ELOVL6: variants seen among roughly 807,000 people sequenced by gnomAD.
The protein encoded by ELOVL6 is ELOVL fatty acid elongase 6.
In ELOVL6, 8 loss-of-function variants were observed where a neutral mutation model predicts 31.7. The ratio of observed to expected loss-of-function variants is 0.25; its 90% CI spans 0.15 to 0.45. The LOEUF (loss-of-function observed/expected upper bound fraction) is 0.45. Among genes scored for constraint, ELOVL6 ranks in the 20% least tolerant of loss-of-function variants. The pLI, the probability that ELOVL6 is intolerant of heterozygous loss-of-function variation, is 1.00. For missense variants in ELOVL6, 126 were observed against 326.4 expected, an observed-to-expected ratio of 0.39 and a Z score of 4.73; for synonymous variants, 101 against 117.7, an observed-to-expected ratio of 0.86 and a Z score of 0.92.
At chr4:110,152,972 GT>G (rs1758320103) in intron 1 of ELOVL6, among the ~76,000 whole-genome samples, 1 of 152,122 alleles carries the variant, frequency 6.6e-6, no homozygotes, top group African/African-American at 2.4e-5. Context: ...TGACCCCTCC[GT>G]GAGTATAAAC....
chr4:110,146,030 T>A (rs1429476000), intron 1 of ELOVL6, among the ~76,000 whole-genome samples: 1 of 152,020 alleles, frequency 6.6e-6, no homozygotes, highest in Non-Finnish European at 1.5e-5. Flanking sequence ...CAAAAAAGAA[T>A]CCAAATAGCT....
At chr4:110,072,039 G>A (rs974106487) in intron 2 of ELOVL6, among the ~76,000 whole-genome samples, 4 of 152,176 alleles carry the variant, frequency 2.6e-5, no homozygotes, top group South Asian at 4.1e-4. Context: ...ATCCACCAGC[G>A]TGAGATCAGT....
At chr4:110,107,595 G>C (rs1214884521) in intron 1 of ELOVL6, among the ~76,000 whole-genome samples, 2 of 152,138 alleles carry the variant, frequency 1.3e-5, no homozygotes, top group African/African-American at 4.8e-5. Flanking sequence ...CAGGAAGAAA[G>C]TACTTTTGGC....
intron 3 of ELOVL6, among the ~76,000 whole-genome samples, chr4:110,054,132 G>A (rs1754911105): frequency 1.3e-5 from 2 of 152,050 alleles, no homozygotes; most frequent in South Asian, 4.2e-4. Context: ...AAATAAATAG[G>A]AAAGTTGTCA....
At chr4:110,056,694 A>T (rs148673695) in intron 3 of ELOVL6, among the ~76,000 whole-genome samples, 489 of 152,280 alleles carry the variant, frequency 3.2e-3, no homozygotes, top group Non-Finnish European at 5.5e-3. Flanking sequence ...AACTGCATCG[A>T]TTATTGGATA....
intron 1 of ELOVL6, among the ~76,000 whole-genome samples, chr4:110,196,462 G>A (rs923000842): frequency 2.7e-4 from 41 of 152,194 alleles, no homozygotes; most frequent in African/African-American, 9.6e-4. Flanking sequence ...CTAAGCGGGA[G>A]GAGGAAGTGC....
At chr4:110,098,950 A>G (rs544414259) in intron 2 of ELOVL6, among the ~76,000 whole-genome samples, 2 of 152,232 alleles carry the variant, frequency 1.3e-5, no homozygotes, top group African/African-American at 4.8e-5. Context: ...CAACCATAGG[A>G]AAAAAACTAA....
At chr4:110,179,720 T>A (rs988824368) in intron 1 of ELOVL6, among the ~76,000 whole-genome samples, 1 of 152,308 alleles carries the variant, frequency 6.6e-6, no homozygotes, top group South Asian at 2.1e-4. Flanking sequence ...AGATATTGCA[T>A]ATAAACAAGA....
At chr4:110,135,790 G>T (rs1485881345) in intron 1 of ELOVL6, among the ~76,000 whole-genome samples, 1 of 152,192 alleles carries the variant, frequency 6.6e-6, no homozygotes, top group Non-Finnish European at 1.5e-5. Flanking sequence ...ACAACTTGGT[G>T]TTCAGAGAAG....
Position 110,131,143 on chromosome 4 carries a change from G to A in ELOVL6, c.90-25515C>T, listed in dbSNP as rs370033899. Among the ~76,000 whole-genome samples the A allele has an allele frequency of 1.1e-4, 17 of 152,284 alleles. No homozygotes were observed. The South Asian group carries it at 2.1e-3, about 19-fold the overall frequency. ...GAAGTACCTAGGAAATATCTGTTGC[G>A]TTGATGTTCTAATCCCTGTTGCTTC... On this transcript the variant is annotated intron_variant, in intron 1 of 3. Transcript: ENST00000302274.
intron 1 of ELOVL6, among the ~76,000 whole-genome samples, chr4:110,134,906 G>C (rs1003449147): frequency 3.3e-5 from 5 of 152,004 alleles, no homozygotes; most frequent in Non-Finnish European, 5.9e-5. Context: ...AGTAAGTTGT[G>C]ATCATACCAC....
At chr4:110,138,617 G>T (rs148853196) in intron 1 of ELOVL6, among the ~76,000 whole-genome samples, 140 of 152,138 alleles carry the variant, frequency 9.2e-4, no homozygotes, top group Non-Finnish European at 1.5e-3. Context: ...GCCTTGAGAA[G>T]AGCAGAAGGA....
chr4:110,058,887 TCAC>T (rs1178016589), intron 3 of ELOVL6, among the ~76,000 whole-genome samples: 1 of 152,200 alleles, frequency 6.6e-6, no homozygotes, highest in East Asian at 1.9e-4. Context: ...GAGCTTATTG[TCAC>T]CACTAGATCT....
intron 1 of ELOVL6, among the ~76,000 whole-genome samples, chr4:110,167,652 GTTATGTATGTAT>G (rs1463835400): frequency 2.0e-4 from 29 of 144,484 alleles, no homozygotes; most frequent in Admixed American, 5.0e-4. Flanking sequence ...CACCACCTCA[GTTATGTATGTAT>G]GTATGTATGT....
At chr4:110,061,174 G>C (rs1419726447) in intron 2 of ELOVL6, among the ~76,000 whole-genome samples, 1 of 151,986 alleles carries the variant, frequency 6.6e-6, no homozygotes, top group African/African-American at 2.4e-5. Context: ...TCTGCACTTG[G>C]AATAAAAACC....
chr4:110,180,134 T>C (rs1759228463), intron 1 of ELOVL6, among the ~76,000 whole-genome samples: 1 of 152,210 alleles, frequency 6.6e-6, no homozygotes, highest in Non-Finnish European at 1.5e-5. Context: ...TTTTAGTATA[T>C]GCCACATAGT....
intron 2 of ELOVL6, among the ~76,000 whole-genome samples, chr4:110,089,131 T>C (rs1756348711): frequency 6.6e-6 from 1 of 152,094 alleles, no homozygotes; most frequent in Non-Finnish European, 1.5e-5. Context: ...CCGACAGCTA[T>C]TTCAAGTGAT....
chr4:110,130,916 T>C (rs1382583535), intron 1 of ELOVL6, among the ~76,000 whole-genome samples: 1 of 151,762 alleles, frequency 6.6e-6, no homozygotes, highest in Non-Finnish European at 1.5e-5. Context: ...TAAGTACACA[T>C]TTCTTTCAAG....
At chr4:110,166,417 C>T (rs1394385379) in intron 1 of ELOVL6, among the ~76,000 whole-genome samples, 1 of 152,078 alleles carries the variant, frequency 6.6e-6, no homozygotes, top group Admixed American at 6.6e-5. Context: ...TCGAGACCAT[C>T]CCGGCCAACA....
Sources: allele counts gnomAD v4.1 joint callset (sites outside exome capture counted in the v4.1 genomes callset), GRCh38; gene constraint gnomAD v4.1.1; transcripts MANE v1.5; gene names NCBI Gene and HGNC (gene_info 2026-07-23, HGNC 2026-07-21).